Variants in NUP153 observed in about 807,000 individuals in gnomAD.
The protein encoded by NUP153 is nuclear pore complex protein Nup153.
In NUP153, 27 loss-of-function variants were observed where a neutral mutation model predicts 134.6. That is an observed-to-expected ratio of 0.20 (90% confidence interval 0.15 to 0.28). NUP153 has a LOEUF of 0.28. NUP153 is among the 10% of genes least tolerant of loss of function. NUP153 has a pLI of 1.00. For synonymous variants in NUP153, 640 were observed against 623.5 expected (o/e 1.03, Z -0.40); for missense variants, 1,821 against 1,731.3 (o/e 1.05, Z -0.92).
At chr6:17,655,700 G>A (rs986050731) in intron 11 of NUP153, among the ~76,000 whole-genome samples, 5 of 151,592 alleles carry the variant, frequency 3.3e-5, no homozygotes, top group Non-Finnish European at 5.9e-5. Context: ...GTGATCTGCC[G>A]GCCTCAGCCT....
In NUP153 at chr6:17,637,326, G is replaced by C; in HGVS notation, c.2291C>G (p.Ser764Trp). 1 of 1,614,142 alleles carries C rather than the reference G, an allele frequency of 6.2e-7. No homozygotes were observed. The highest frequency in any genetic ancestry group is 8.5e-7 in the Non-Finnish European group (1 of 1,180,032). Reference protein sequence around the residue: ...VKRALTLTVVSESAETMTASS... With the variant: ...VKRALTLTVVWESAETMTASS... ...AGCAGTCATAGTCTCAGCACTTTCC[G>C]AAACCACTGTCAATGTAAGGGCTCG... The change falls in exon 16 of 22, where the codon TCG becomes TGG. Residue 764 changes from serine (S) to tryptophan (W), a missense_variant. By Grantham distance (177) the Ser-to-Trp change is radical (BLOSUM62 -3). Coordinates refer to ENST00000262077, the MANE Select transcript of NUP153 (RefSeq NM_005124.4).
intron 8 of NUP153, among the ~76,000 whole-genome samples, chr6:17,665,987 CTTT>C (rs199861173): frequency 2.2e-5 from 3 of 136,246 alleles, no homozygotes; most frequent in South Asian, 2.4e-4. Flanking sequence ...ACTCACCTGG[CTTT>C]TTTTTTTTTT....
chr6:17,702,058 G>GT (rs1770147858), intron 1 of NUP153, among the ~76,000 whole-genome samples: 2 of 150,948 alleles, frequency 1.3e-5, no homozygotes, highest in Admixed American at 6.6e-5. Context: ...ATGGACTCAA[G>GT]TTTTTTGTAG....
intron 11 of NUP153, among the ~76,000 whole-genome samples, chr6:17,655,649 T>C (rs1476309703): frequency 1.3e-5 from 2 of 151,864 alleles, no homozygotes; most frequent in African/African-American, 4.8e-5. Context: ...AGACGGGGTT[T>C]CACCATGTTG....
chr6:17,671,742 C>T (rs1373920764), intron 5 of NUP153, among the ~76,000 whole-genome samples: 2 of 152,168 alleles, frequency 1.3e-5, no homozygotes, highest in Non-Finnish European at 2.9e-5. Flanking sequence ...CATGCTGGCT[C>T]ATACCTATAA....
intron 20 of NUP153, among the ~76,000 whole-genome samples, chr6:17,620,245 C>T (rs981478023): frequency 4.0e-5 from 6 of 151,664 alleles, no homozygotes; most frequent in African/African-American, 1.2e-4. Context: ...AAATATACTA[C>T]ACAAAGCTAT....
chr6:17,632,617 C>A, intron 17 of NUP153, 33 bp downstream of exon 17: 1 of 1,544,762 alleles, frequency 6.5e-7, no homozygotes, highest in Non-Finnish European at 8.8e-7. Context: ...AGGCGCTTTA[C>A]CATCACCTTT....
At chr6:17,699,760 G>C (rs560376201) in intron 1 of NUP153, among the ~76,000 whole-genome samples, 42 of 152,090 alleles carry the variant, frequency 2.8e-4, no homozygotes, top group Non-Finnish European at 5.0e-4. Context: ...CCTTGAGCCT[G>C]GGAGGCAGAG....
chr6:17,704,830 G>A lies in NUP153; in HGVS notation c.111+1447C>T, dbSNP rs558322731. On this transcript the variant is annotated intron_variant, in intron 1 of 21. Transcript: ENST00000262077. ...GCTGGAGTGCAGGGGCAAGATCTCTGCTCACGGCAAGCTCCGCCTCCCGGG... is the reference window on the plus strand; with the variant it reads ...GCTGGAGTGCAGGGGCAAGATCTCTACTCACGGCAAGCTCCGCCTCCCGGG... 4.6e-5 allele frequency among the ~76,000 whole-genome samples: 7 copies of A among 150,856 alleles called. No homozygotes were observed. In the East Asian group the frequency reaches 1.2e-3, roughly 25 times the overall value.
chr6:17,703,709 G>A (rs1166517686), intron 1 of NUP153, among the ~76,000 whole-genome samples: 1 of 150,930 alleles, frequency 6.6e-6, no homozygotes, highest in African/African-American at 2.4e-5. Flanking sequence ...ACTTTCCTTG[G>A]GTAGTGGTAG....
intron 11 of NUP153, among the ~76,000 whole-genome samples, chr6:17,661,035 C>G (rs1369639512): frequency 6.6e-6 from 1 of 152,064 alleles, no homozygotes; most frequent in African/African-American, 2.4e-5. Context: ...AGAAGACAGG[C>G]AGGGCACGGT....
intron 2 of NUP153, among the ~76,000 whole-genome samples, chr6:17,676,866 T>C (rs768773915): frequency 6.6e-6 from 1 of 151,482 alleles, no homozygotes; most frequent in Non-Finnish European, 1.5e-5. Flanking sequence ...CACAAGGGAG[T>C]GTCCAGTGAG....
At chr6:17,622,197 C>A (rs974876240) in intron 20 of NUP153, among the ~76,000 whole-genome samples, 2 of 152,158 alleles carry the variant, frequency 1.3e-5, no homozygotes, top group Non-Finnish European at 2.9e-5. Flanking sequence ...CGCCTGTAAT[C>A]CTAGCACTTT....
chr6:17,671,546 TA>T (rs555523483), intron 5 of NUP153, among the ~76,000 whole-genome samples: 35 of 152,162 alleles, frequency 2.3e-4, no homozygotes, highest in Admixed American at 2.6e-4. Flanking sequence ...GTCTAACAAA[TA>T]AGTCTAACAA....
At position 17,628,913 on chromosome 6, in the gene NUP153, A is replaced by C. The variant is rs1355093330; in HGVS notation, c.3286T>G (p.Ser1096Ala). Reference protein sequence around the residue: ...NVEPASLPSASVFVLGRTEEK... With the variant: ...NVEPASLPSAAVFVLGRTEEK... ...TCTGTCCTTCCCAAAACAAACACTG[A>C]GGCAGATGGCAGAGAGGCAGGCTCC... Residue 1096 changes from serine to alanine, a missense_variant, in exon 18 of 22, where the codon TCA (serine) becomes GCA (alanine). Coordinates refer to ENST00000262077, the MANE Select transcript of NUP153 (RefSeq NM_005124.4). The surrounding 1 kb of genome is among the most constrained non-coding windows in gnomAD (Gnocchi z 5.4). The C allele has an allele frequency of 1.2e-6, 2 of 1,614,168 alleles. No homozygotes were observed. Among genetic ancestry groups the C allele is most frequent in the South Asian group, 2.2e-5 (2 of 91,078 alleles).
rs186324533 is a variant in NUP153, at chr6:17,665,701, G to T, written c.1069-316C>A. Reference sequence around the variant, plus strand: ...GAACTATATTCAAAACAGCACTACAGATCAAACCTTTTACAGTTTTTTGTT... The same window carrying T: ...GAACTATATTCAAAACAGCACTACATATCAAACCTTTTACAGTTTTTTGTT... On this transcript the variant is annotated intron_variant, in intron 8 of 21. Transcript: ENST00000262077. Among the ~76,000 whole-genome samples the T allele has an allele frequency of 1.1e-4, 17 of 151,382 alleles. No individual in the cohort carries two copies. In the East Asian group the frequency reaches 3.3e-3, roughly 29 times the overall value.
In NUP153 at chr6:17,665,281, A is replaced by C. The variant is rs1378587538; in HGVS notation, c.1173T>G (p.Gly391=). The C allele has an allele frequency of 6.2e-7, 1 of 1,611,238 alleles. No homozygotes were observed. Among genetic ancestry groups the C allele is most frequent in the Non-Finnish European group, 8.5e-7 (1 of 1,177,544 alleles). ...TTCTTTGATTAGTCTTCCTGAATTC[A>C]CCAGAAGGAGTCAGAGATGGTTTAA... is the stretch of plus-strand genomic sequence containing the variant. ...VYFKPSLTPS[G]EFRKTNQRID... is the part of the protein sequence containing the mutation. The change falls in exon 9 of 22, where the codon GGT becomes GGG. Residue 391 remains glycine (G), a synonymous_variant. Coordinates refer to ENST00000262077, the MANE Select transcript of NUP153 (RefSeq NM_005124.4).
chr6:17,655,736 T>A (rs1033824590), intron 11 of NUP153, among the ~76,000 whole-genome samples: 2 of 152,214 alleles, frequency 1.3e-5, no homozygotes, highest in East Asian at 3.9e-4. Context: ...ATTACAGGTG[T>A]GAGCCACCGT....
At chr6:17,658,814 TAC>T (rs1766995657) in intron 11 of NUP153, among the ~76,000 whole-genome samples, 1 of 152,092 alleles carries the variant, frequency 6.6e-6, no homozygotes. Flanking sequence ...GATAACCGGT[TAC>T]GACCAGCTCA....
Sources: gnomAD v4.1 joint callset for allele counts (sites outside exome capture counted in the v4.1 genomes callset) on GRCh38, gnomAD v4.1.1 for gene constraint, Gnocchi (gnomAD v3.1) non-coding constraint, MANE v1.5 for transcripts, NCBI Gene and HGNC (gene_info 2026-07-23, HGNC 2026-07-21) for gene names.